SLC44A1: variants seen among roughly 807,000 people sequenced by gnomAD.
SLC44A1 encodes solute carrier family 44 member 1.
Under a neutral mutation model 79.3 loss-of-function variants are expected in SLC44A1, and 26 were observed. The ratio of observed to expected loss-of-function variants is 0.33; its 90% CI spans 0.24 to 0.46. The LOEUF is 0.46. SLC44A1 is among the 20% of genes least tolerant of loss of function. The pLI is 1.00. For missense variants in SLC44A1, 688 were observed against 798.1 expected (o/e 0.86, Z 1.66); for synonymous variants, 263 against 286.2 (o/e 0.92, Z 0.82).
intron 1 of SLC44A1, among the ~76,000 whole-genome samples, chr9:105,254,533 C>A (rs1034661099): frequency 8.5e-5 from 13 of 152,200 alleles, no homozygotes; most frequent in African/African-American, 3.1e-4. Flanking sequence ...CCAATACTAT[C>A]TGCTATGGTT....
chr9:105,409,237 A>T (rs1473475034), intron 15 of SLC44A1, among the ~76,000 whole-genome samples: 1 of 152,254 alleles, frequency 6.6e-6, no homozygotes, highest in Non-Finnish European at 1.5e-5. Context: ...AAGTGAAAAG[A>T]TGGAAAAAGA....
intron 1 of SLC44A1, among the ~76,000 whole-genome samples, chr9:105,288,828 A>AATAT (rs1195023139): frequency 1.3e-5 from 2 of 152,214 alleles, no homozygotes; most frequent in Admixed American, 6.5e-5. Flanking sequence ...GATTTCTAGA[A>AATAT]ATATAATGAG....
chr9:105,432,506 A>G (rs1215340893), intron 15 of SLC44A1, among the ~76,000 whole-genome samples: 1 of 152,254 alleles, frequency 6.6e-6, no homozygotes, highest in Non-Finnish European at 1.5e-5. Flanking sequence ...GAAGGGAAGC[A>G]GAGACAATTA....
At position 105,244,775 on chromosome 9, in the gene SLC44A1, G is replaced by T; in HGVS notation, c.-94G>T. ...CCGCCTAGCCGTGCGGTGCCAGGCC[G>T]CGCCCTCCCCGGGCGCCCGCCGGCT... is the stretch of plus-strand genomic sequence containing the variant. On this transcript the variant is annotated 5_prime_UTR_variant, in exon 1 of 16. Transcript: ENST00000374720. 1 of 706,802 alleles carries T rather than the reference G, an allele frequency of 1.4e-6. No homozygotes were observed. The highest frequency in any genetic ancestry group is 1.9e-6 in the Non-Finnish European group (1 of 536,134). 43.8% of individuals were successfully genotyped at this position (706,802 alleles called of 1,614,324 possible).
chr9:105,369,077 C>T (rs1247198783), intron 12 of SLC44A1, among the ~76,000 whole-genome samples: 1 of 152,158 alleles, frequency 6.6e-6, no homozygotes, highest in Non-Finnish European at 1.5e-5. Context: ...AGATTTGCAA[C>T]ACACTTGTAA....
rs114365914 is a variant in SLC44A1 at position 105,302,321 on chromosome 9, G to A, written c.126+3012G>A. 7.4e-3 allele frequency among the ~76,000 whole-genome samples: 1,131 copies of A among 151,958 alleles called. 12 individuals carry two copies. The highest frequency in any genetic ancestry group is 0.025 in the African/African-American group (1,049 of 41,454). On this transcript the variant is annotated intron_variant, in intron 2 of 15. Coordinates refer to ENST00000374720, the MANE Select transcript of SLC44A1 (RefSeq NM_080546.5). Reference sequence around the variant, plus strand: ...AAACAAGTGGTTTTTAGCCCTAGCTGTACATTGGAATTAGCTGGGATCTCT... The same window carrying A: ...AAACAAGTGGTTTTTAGCCCTAGCTATACATTGGAATTAGCTGGGATCTCT...
At chr9:105,388,984 T>C in intron 15 of SLC44A1, 49 bp from the exon 16 acceptor site, 2 of 1,414,690 alleles carry the variant, frequency 1.4e-6, no homozygotes, top group Non-Finnish European at 2.0e-6. Context: ...ATGATCTCCT[T>C]TTAATGGTAA....
At chr9:105,314,721 T>C (rs538271463) in intron 3 of SLC44A1, among the ~76,000 whole-genome samples, 1 of 152,344 alleles carries the variant, frequency 6.6e-6, no homozygotes, top group South Asian at 2.1e-4. Context: ...ATAGCATCTA[T>C]GTATGAGTAA....
Position 105,395,287 on chromosome 9 carries a change from T to C in SLC44A1, c.*6231T>C. Reference sequence around the variant, plus strand: ...AGCTTAGAGTGCAGTGGCTCAATCTTAGCTCACTGCAACCTCCACCTCCCA... The same window carrying C: ...AGCTTAGAGTGCAGTGGCTCAATCTCAGCTCACTGCAACCTCCACCTCCCA... On this transcript the variant is annotated 3_prime_UTR_variant, in exon 16 of 16. Transcript: ENST00000374720. The C allele has an allele frequency of 7.5e-6, 5 of 669,042 alleles. No homozygotes were observed. The highest frequency in any genetic ancestry group is 9.2e-6 in the Non-Finnish European group (5 of 541,536). The allele number at this position is 669,042 out of a possible 1,614,324, so 41.4% of individuals were successfully genotyped here.
chr9:105,367,302 G>T (rs1244363713), intron 12 of SLC44A1, among the ~76,000 whole-genome samples: 1 of 152,144 alleles, frequency 6.6e-6, no homozygotes, highest in African/African-American at 2.4e-5. Flanking sequence ...CAGGTTGATA[G>T]TTCTATGCCC....
At chr9:105,245,002 G>A (rs1373349071) in intron 1 of SLC44A1, 98 bp downstream of exon 1, 3 of 353,796 alleles carry the variant, frequency 8.5e-6, no homozygotes, top group African/African-American at 6.8e-5. Flanking sequence ...GCTGTCCCCA[G>A]CCTCCCCTGA....
At chr9:105,348,274 T>G (rs1188032395) in intron 4 of SLC44A1, 84 bp from the exon 5 acceptor site, 2 of 718,524 alleles carry the variant, frequency 2.8e-6, no homozygotes, top group East Asian at 5.2e-5. Context: ...AAGTTGCATA[T>G]GTTGAATAAT....
intron 1 of SLC44A1, among the ~76,000 whole-genome samples, chr9:105,283,526 A>G (rs1245587872): frequency 1.3e-5 from 2 of 152,212 alleles, no homozygotes; most frequent in African/African-American, 4.8e-5. Flanking sequence ...CGTAGAATTC[A>G]TGTAAAACTA....
At chr9:105,429,577 A>G (rs1829366309) in intron 15 of SLC44A1, among the ~76,000 whole-genome samples, 1 of 152,236 alleles carries the variant, frequency 6.6e-6, no homozygotes, top group East Asian at 1.9e-4. Flanking sequence ...TGCTGAGATT[A>G]TAGGCATGCA....
At chr9:105,426,335 C>T (rs920936168) in intron 15 of SLC44A1, among the ~76,000 whole-genome samples, 2 of 152,176 alleles carry the variant, frequency 1.3e-5, no homozygotes, top group African/African-American at 4.8e-5. Flanking sequence ...CCTTGATTTA[C>T]ATTGACATTT....
Position 105,298,293 on chromosome 9 carries a change from T to C in SLC44A1, c.37-927T>C, listed in dbSNP as rs138097493. 4.1e-3 allele frequency among the ~76,000 whole-genome samples: 618 copies of C among 152,310 alleles called. 5 individuals carry two copies. Among genetic ancestry groups the C allele is most frequent in the African/African-American group, 0.014 (584 of 41,560 alleles). On this transcript the variant is annotated intron_variant, in intron 1 of 15. Coordinates refer to ENST00000374720, the MANE Select transcript of SLC44A1 (RefSeq NM_080546.5). Reference sequence around the variant, plus strand: ...GATCTGTCTATAGAAACTGAATTTTTTTTTGACTTAGATAAATCTACCCCT... The same window carrying C: ...GATCTGTCTATAGAAACTGAATTTTCTTTTGACTTAGATAAATCTACCCCT...
rs1002274465 is a variant in SLC44A1, at chr9:105,389,639, T to C, written c.*583T>C. ...ATTGGGCCCAATATGGGAATTTTCA[T>C]AATAGTTCATACATTTGTCAGCCAA... On this transcript the variant is annotated 3_prime_UTR_variant, in exon 16 of 16. Coordinates refer to ENST00000374720, the MANE Select transcript of SLC44A1 (RefSeq NM_080546.5). 4.1e-6 allele frequency: 5 copies of C among 1,215,860 alleles called. No homozygotes were observed. The highest frequency in any genetic ancestry group is 5.1e-6 in the Non-Finnish European group (5 of 976,730). The allele number at this position is 1,215,860 out of a possible 1,614,324, so 75.3% of individuals were successfully genotyped here. A position where few individuals can be genotyped will look rare whatever the true frequency, so the allele number is the denominator to read the frequency against.
intron 5 of SLC44A1, among the ~76,000 whole-genome samples, chr9:105,355,752 G>A (rs1372990512): frequency 6.6e-6 from 1 of 152,092 alleles, no homozygotes; most frequent in Non-Finnish European, 1.5e-5. Context: ...TTCTATTAAT[G>A]GTGGCATATT....
At chr9:105,255,902 G>C (rs1829692890) in intron 1 of SLC44A1, among the ~76,000 whole-genome samples, 1 of 152,156 alleles carries the variant, frequency 6.6e-6, no homozygotes, top group Non-Finnish European at 1.5e-5. Context: ...ATGTATCTCA[G>C]AAATTACAAT....
Sources: gnomAD v4.1 joint callset for allele counts (sites outside exome capture counted in the v4.1 genomes callset) on GRCh38, gnomAD v4.1.1 for gene constraint, MANE v1.5 for transcripts, NCBI Gene and HGNC (gene_info 2026-07-23, HGNC 2026-07-21) for gene names.